The following TMEM225 variants were observed in gnomAD, a reference collection of about 807,000 sequenced individuals.
TMEM225 encodes PMP22 claudin domain-containing protein.
In TMEM225, 10 loss-of-function variants were observed where a neutral mutation model predicts 17.6. The observed-to-expected ratio is 0.57, with a 90% CI of 0.35 to 0.96. The LOEUF (loss-of-function observed/expected upper bound fraction) is 0.96, where lower values mean the gene tolerates loss of function less well. Ranked by LOEUF, TMEM225 falls within the 40% of genes least tolerant of loss-of-function variation. The probability of loss-of-function intolerance (pLI) is 0.02; values close to 1 mark genes in which losing one functional copy is unlikely to be tolerated. For missense variants in TMEM225, 245 were observed against 271.5 expected, an observed-to-expected ratio of 0.90 and a Z score of 0.69; for synonymous variants, 101 against 94.5, an observed-to-expected ratio of 1.07 and a Z score of -0.40.
rs371264105 is a variant in TMEM225 at position 123,884,477 on chromosome 11, G to A, written c.328+13C>T. ...ACACCTACAAGCTTGTGTTAGGGGA[G>A]CCAGGAAGTTACCTGAGAAGAAACT... On this transcript the variant is annotated intron_variant, in intron 2 of 3. Transcript: ENST00000375026. The A allele has an allele frequency of 3.7e-5, 60 of 1,604,938 alleles. No homozygotes were observed. Among genetic ancestry groups the A allele is most frequent in the Non-Finnish European group, 4.8e-5 (56 of 1,175,810 alleles).
chr11:123,883,363 G>T lies in TMEM225; in HGVS notation c.464-11C>A. The T allele has an allele frequency of 6.3e-7, 1 of 1,589,922 alleles. No individual in the cohort carries two copies. The highest frequency in any genetic ancestry group is 1.1e-5 in the South Asian group (1 of 90,508). On this transcript the variant is annotated splice_polypyrimidine_tract_variant and intron_variant, in intron 3 of 3. Transcript: ENST00000375026. ...GGAGAGAGAGGACTCCTAGGGAAAA[G>T]AGATTCCAGGGAGTGGGATGAAGGG... is the stretch of plus-strand genomic sequence containing the variant.
Position 123,884,221 on chromosome 11 carries a change from A to AT in TMEM225, c.329-13_329-12insA. On this transcript the variant is annotated splice_polypyrimidine_tract_variant and intron_variant, in intron 2 of 3. Coordinates refer to ENST00000375026, the MANE Select transcript of TMEM225 (RefSeq NM_001013743.3). ...GAGCAGAGAGATACCTGATGTCCAG[A>AT]CAAAAAAAAAAAAAAAAAAAGAAAA... The AT allele has an allele frequency of 7.6e-7, 1 of 1,314,172 alleles. No individual in the cohort carries two copies. The highest frequency in any genetic ancestry group is 9.7e-7 in the Non-Finnish European group (1 of 1,035,710). 81.4% of individuals were successfully genotyped at this position (1,314,172 alleles called of 1,614,324 possible). A position where few individuals can be genotyped will look rare whatever the true frequency, so the allele number is the denominator to read the frequency against.
intron 1 of TMEM225, 80 bp downstream of exon 1, chr11:123,885,165 G>A (rs969847287): frequency 3.2e-5 from 42 of 1,303,662 alleles, no homozygotes; most frequent in Non-Finnish European, 4.2e-5. Context: ...ACACTGGTGA[G>A]ATTAATGCAA....
rs890683228 is a variant in TMEM225, at chr11:123,883,073, C to T, written c.*65G>A. ...AATAGAGACAACATGGTTGGAGACACAGCACACACCCACAAAGCTTTTTCC... is the reference window on the plus strand; with the variant it reads ...AATAGAGACAACATGGTTGGAGACATAGCACACACCCACAAAGCTTTTTCC... On this transcript the variant is annotated 3_prime_UTR_variant, in exon 4 of 4. Coordinates refer to ENST00000375026, the MANE Select transcript of TMEM225 (RefSeq NM_001013743.3). 7.5e-7 allele frequency: 1 copy of T among 1,325,494 alleles called. No homozygotes were observed. The highest frequency in any genetic ancestry group is 1.1e-6 in the Non-Finnish European group (1 of 926,848). 82.1% of individuals were successfully genotyped at this position (1,325,494 alleles called of 1,614,324 possible).
At chr11:123,884,880 T>G (rs1053160353) in intron 1 of TMEM225, among the ~76,000 whole-genome samples, 1 of 152,198 alleles carries the variant, frequency 6.6e-6, no homozygotes, top group Non-Finnish European at 1.5e-5. Context: ...CAAACTCTAT[T>G]CTTGTTAAAT....
Position 123,882,956 on chromosome 11 carries a change from A to G in TMEM225, c.*182T>C, listed in dbSNP as rs1282528555. 4 of 465,988 alleles carry G rather than the reference A, an allele frequency of 8.6e-6. No individual in the cohort carries two copies. The highest frequency in any genetic ancestry group is 1.5e-5 in the Non-Finnish European group (4 of 265,500). 28.9% of individuals were successfully genotyped at this position (465,988 alleles called of 1,614,324 possible). ...TGATAATATTTATTATATTAACAAC[A>G]AATGTTGCAGAAGAAACTATTCGTT... is the stretch of plus-strand genomic sequence containing the variant. On this transcript the variant is annotated 3_prime_UTR_variant, in exon 4 of 4. Transcript: ENST00000375026.
chr11:123,883,161 G>T lies in TMEM225; in HGVS notation c.655C>A (p.Arg219Ser). The T allele has an allele frequency of 6.2e-7, 1 of 1,613,396 alleles. No individual in the cohort carries two copies. Among genetic ancestry groups the T allele is most frequent in the Non-Finnish European group, 8.5e-7 (1 of 1,179,500 alleles). ...VNSLNKKVQT[R>S]HVTWAL ...AATCACAGAGCCCAGGTTACGTGACGTGTTTGGACTTTTTTGTTTAGGGAA... is the reference window on the plus strand; with the variant it reads ...AATCACAGAGCCCAGGTTACGTGACTTGTTTGGACTTTTTTGTTTAGGGAA... The change falls in exon 4 of 4, where the codon CGT becomes AGT. Residue 219 changes from arginine (R) to serine (S), a missense_variant. Physicochemically the swap from Arg to Ser is moderately radical, Grantham distance 110. Transcript: ENST00000375026.
rs1862987238 is a variant in TMEM225 at position 123,883,239 on chromosome 11, A to C, written c.577T>G (p.Leu193Val). The C allele has an allele frequency of 1.9e-6, 3 of 1,613,356 alleles. No individual in the cohort carries two copies. The highest frequency in any genetic ancestry group is 2.5e-6 in the Non-Finnish European group (3 of 1,179,568). Residue 193 changes from leucine (L) to valine (V), a missense_variant, in exon 4 of 4, where the codon TTA (leucine) becomes GTA (valine). Leu to Val is a conservative substitution (Grantham distance 32). Coordinates refer to ENST00000375026, the MANE Select transcript of TMEM225 (RefSeq NM_001013743.3). Reference sequence around the variant, plus strand: ...CGAGGCATTGCAGTGCATTCTGGTAATGAAATATCTTCGATAGAATTCTCA... The same window carrying C: ...CGAGGCATTGCAGTGCATTCTGGTACTGAAATATCTTCGATAGAATTCTCA... ...ESENSIEDIS[L>V]PECTAMPRSI...
rs77654932 is a variant in TMEM225, at chr11:123,883,278, C to G, written c.538G>C (p.Glu180Gln). The G allele has an allele frequency of 1.2e-5, 20 of 1,613,370 alleles. No homozygotes were observed. In the African/African-American group the frequency reaches 1.5e-4, roughly 12 times the overall value. ...ATAGAATTCTCAGATTCCTTACATT[C>G]GTTGTCAGATTTATGGATGTTCAGG... ...TCLNIHKSDNECKESENSIED... is the reference protein window; with the variant it reads ...TCLNIHKSDNQCKESENSIED... Residue 180 changes from glutamate (E) to glutamine (Q), a missense_variant, in exon 4 of 4, where the codon GAA becomes CAA. Glu to Gln is a conservative substitution (Grantham distance 29, BLOSUM62 2). Coordinates refer to ENST00000375026, the MANE Select transcript of TMEM225 (RefSeq NM_001013743.3).
Position 123,884,118 on chromosome 11 carries a change from G to A in TMEM225, c.420C>T (p.Ile140=), listed in dbSNP as rs751692256. The change falls in exon 3 of 4, where the codon ATC becomes ATT. Residue 140 remains isoleucine (I), a synonymous_variant. Coordinates refer to ENST00000375026, the MANE Select transcript of TMEM225 (RefSeq NM_001013743.3). ...AAACATTTAAGTAAGCAGTATACAT[G>A]ATCCAGGTGATCCTATAACTAGAGA... The part of the protein sequence containing the change: ...MHFSSYRITW[I]MYTAYLNVFF... 1.2e-6 allele frequency: 2 copies of A among 1,607,832 alleles called. No homozygotes were observed. The highest frequency in any genetic ancestry group is 1.7e-6 in the Non-Finnish European group (2 of 1,177,714).
intron 2 of TMEM225, 120 bp from the exon 3 acceptor site, chr11:123,884,329 G>C (rs769066864): frequency 9.5e-6 from 13 of 1,361,368 alleles, no homozygotes; most frequent in Non-Finnish European, 1.2e-5. Flanking sequence ...ACCCCCACCC[G>C]GTCCAACTAC....
chr11:123,884,950 T>A (rs1863020320), intron 1 of TMEM225, among the ~76,000 whole-genome samples: 1 of 152,180 alleles, frequency 6.6e-6, no homozygotes, highest in Non-Finnish European at 1.5e-5. Flanking sequence ...GTTACGTTTC[T>A]TTCTTACCCA....
chr11:123,885,661 C>A lies in TMEM225; in HGVS notation c.-236G>T. 3 of 521,274 alleles carry A rather than the reference C, an allele frequency of 5.8e-6. No individual in the cohort carries two copies. The South Asian group carries it at 8.0e-5, about 14-fold the overall frequency. The allele number at this position is 521,274 out of a possible 1,614,324, so 32.3% of individuals were successfully genotyped here. A position where few individuals can be genotyped will look rare whatever the true frequency, so the allele number is the denominator to read the frequency against. On this transcript the variant is annotated 5_prime_UTR_variant, in exon 1 of 4. Transcript: ENST00000375026. ...GGACTGCCAACTGCCATGGAATCAT[C>A]TATTGGTTTGACCCTTGACCCTGGG...
At position 123,885,637 on chromosome 11, in the gene TMEM225, G is replaced by C; in HGVS notation, c.-212C>G. 1.8e-6 allele frequency: 1 copy of C among 561,726 alleles called. No homozygotes were observed. The highest frequency in any genetic ancestry group is 3.0e-5 in the East Asian group (1 of 33,652). The allele number at this position is 561,726 out of a possible 1,614,324, so 34.8% of individuals were successfully genotyped here. Reference sequence around the variant, plus strand: ...TCTATCAGGGCCAGCCTGCTGTCAGGACTGCCAACTGCCATGGAATCATCT... The same window carrying C: ...TCTATCAGGGCCAGCCTGCTGTCAGCACTGCCAACTGCCATGGAATCATCT... On this transcript the variant is annotated 5_prime_UTR_variant, in exon 1 of 4. Transcript: ENST00000375026.
chr11:123,885,492 G>A lies in TMEM225; in HGVS notation c.-67C>T, dbSNP rs1229936046. On this transcript the variant is annotated 5_prime_UTR_variant, in exon 1 of 4. Transcript: ENST00000375026. ...GTAGATCTCTTCCTTGATTTGATTA[G>A]TTACAAGAAGGGTGATATCTGAACT... 4 of 1,461,226 alleles carry A rather than the reference G, an allele frequency of 2.7e-6. No homozygotes were observed. Among genetic ancestry groups the A allele is most frequent in the Non-Finnish European group, 3.7e-6 (4 of 1,067,366 alleles). 90.5% of individuals were successfully genotyped at this position (1,461,226 alleles called of 1,614,324 possible).
intron 1 of TMEM225, 148 bp from the exon 2 acceptor site, chr11:123,884,784 G>A: frequency 1.3e-6 from 1 of 752,618 alleles, no homozygotes. Flanking sequence ...TAACAAGCAG[G>A]GGAACCTTAA....
rs768944045 is a variant in TMEM225, at chr11:123,885,551, A to G, written c.-126T>C. On this transcript the variant is annotated 5_prime_UTR_variant, in exon 1 of 4. Transcript: ENST00000375026. ...TTGCTGAGGCATTGGTAACAGCAGA[A>G]GCTGAAGTAGTCTATAAAACAGAGA... 9.3e-5 allele frequency: 75 copies of G among 805,456 alleles called. No homozygotes were observed. The highest frequency in any genetic ancestry group is 1.3e-4 in the Non-Finnish European group (67 of 507,900). 49.9% of individuals were successfully genotyped at this position (805,456 alleles called of 1,614,324 possible). A position where few individuals can be genotyped will look rare whatever the true frequency, so the allele number is the denominator to read the frequency against.
chr11:123,885,046 T>A (rs1863021836), intron 1 of TMEM225, among the ~76,000 whole-genome samples, 199 bp downstream of exon 1: 1 of 152,154 alleles, frequency 6.6e-6, no homozygotes, highest in Admixed American at 6.5e-5. Context: ...TATAAACTTT[T>A]CTCCAGAACA....
chr11:123,884,437 C>A (rs1267804345), intron 2 of TMEM225, 53 bp downstream of exon 2: 1 of 1,528,086 alleles, frequency 6.5e-7, no homozygotes, highest in Non-Finnish European at 8.8e-7. Flanking sequence ...GCAGCCTGAA[C>A]CCACCCATCA....
Sources: gnomAD v4.1 joint callset for allele counts (sites outside exome capture counted in the v4.1 genomes callset) on GRCh38, gnomAD v4.1.1 for gene constraint, MANE v1.5 for transcripts, NCBI Gene and HGNC (gene_info 2026-07-23, HGNC 2026-07-21) for gene names.